NKAIN2: variants seen among roughly 807,000 people sequenced by gnomAD.
NKAIN2 encodes sodium/potassium transporting ATPase interacting 2, also known as sodium/potassium-transporting ATPase subunit beta-1-interacting protein 2.
In NKAIN2, 14 loss-of-function variants were observed where a neutral mutation model predicts 32.6. That is an observed-to-expected ratio of 0.43 (90% CI 0.28 to 0.67). The LOEUF is 0.67. Among genes scored for constraint, NKAIN2 ranks in the 30% least tolerant of loss-of-function variants. The probability of loss-of-function intolerance (pLI) is 0.17; values close to 1 mark genes in which losing one functional copy is unlikely to be tolerated. For missense variants in NKAIN2, 198 were observed against 258.3 expected (o/e 0.77, Z 1.60); for synonymous variants, 80 against 87.2 (o/e 0.92, Z 0.46).
chr6:124,074,191 G>A (rs1203918243), intron 1 of NKAIN2, among the ~76,000 whole-genome samples: 1 of 152,154 alleles, frequency 6.6e-6, no homozygotes, highest in Non-Finnish European at 1.5e-5. Context: ...TGCCCACCAG[G>A]AAAGCTCAAT....
intron 1 of NKAIN2, among the ~76,000 whole-genome samples, chr6:123,828,206 C>T (rs1415649454): frequency 6.6e-6 from 1 of 152,066 alleles, no homozygotes; most frequent in Non-Finnish European, 1.5e-5. Context: ...TGCCTCTAAG[C>T]AGTAAGCTTC....
At chr6:124,129,970 A>G (rs576608690) in intron 1 of NKAIN2, among the ~76,000 whole-genome samples, 3 of 152,282 alleles carry the variant, frequency 2.0e-5, no homozygotes, top group Non-Finnish European at 2.9e-5. Context: ...CATGTACAAT[A>G]TGGTAGTGAT....
At chr6:124,534,020 G>C (rs1779624039) in intron 3 of NKAIN2, among the ~76,000 whole-genome samples, 1 of 152,068 alleles carries the variant, frequency 6.6e-6, no homozygotes, top group African/African-American at 2.4e-5. Flanking sequence ...CAAATTAGAG[G>C]TTAGGATTTC....
At position 124,794,882 on chromosome 6, in the gene NKAIN2, A is replaced by G. The variant is rs1009806212; in HGVS notation, c.535+3483A>G. 39 of 958,208 alleles carry G rather than the reference A, an allele frequency of 4.1e-5. No homozygotes were observed. The African/African-American group carries it at 6.3e-4, about 16-fold the overall frequency. 59.4% of individuals were successfully genotyped at this position (958,208 alleles called of 1,614,324 possible). A position where few individuals can be genotyped will look rare whatever the true frequency, so the allele number is the denominator to read the frequency against. On this transcript the variant is annotated intron_variant, in intron 5 of 6. Coordinates refer to ENST00000368417, the MANE Select transcript of NKAIN2 (RefSeq NM_001040214.3). ...ATATGACTTCCGATCCATAGAGTAAAAAAGGTTTGACATTTCTGTATCATT... is the reference window on the plus strand; with the variant it reads ...ATATGACTTCCGATCCATAGAGTAAGAAAGGTTTGACATTTCTGTATCATT...
intron 1 of NKAIN2, among the ~76,000 whole-genome samples, chr6:124,083,631 CAA>C (rs1404306856): frequency 6.6e-6 from 1 of 151,904 alleles, no homozygotes; most frequent in Non-Finnish European, 1.5e-5. Flanking sequence ...TTAATGTTTT[CAA>C]AGTCTTTGAC....
intron 4 of NKAIN2, among the ~76,000 whole-genome samples, chr6:124,759,588 AACACACACACACAC>A (rs542448143): frequency 0.021 from 1,749 of 84,504 alleles, 56 homozygotes; most frequent in African/African-American, 0.028. Flanking sequence ...CTGAAATTGC[AACACACACACACAC>A]ACACACACAC....
At chr6:124,446,330 A>G (rs1562190321) in intron 3 of NKAIN2, among the ~76,000 whole-genome samples, 1 of 106,944 alleles carries the variant, frequency 9.4e-6, no homozygotes, top group Non-Finnish European at 2.3e-5. Context: ...TGCAAAATAT[A>G]TAAGTTTTTT....
chr6:124,028,696 T>A (rs997163934), intron 1 of NKAIN2, among the ~76,000 whole-genome samples: 1 of 149,866 alleles, frequency 6.7e-6, no homozygotes, highest in Non-Finnish European at 1.5e-5. Context: ...TTTATATACA[T>A]GTATACACGT....
At chr6:124,551,186 G>C (rs1780273994) in intron 3 of NKAIN2, among the ~76,000 whole-genome samples, 1 of 152,180 alleles carries the variant, frequency 6.6e-6, no homozygotes, top group South Asian at 2.1e-4. Context: ...GTAATGGTGG[G>C]CCATAAAATT....
At chr6:124,115,935 C>T (rs886854056) in intron 1 of NKAIN2, among the ~76,000 whole-genome samples, 13 of 152,102 alleles carry the variant, frequency 8.5e-5, no homozygotes, top group African/African-American at 3.1e-4. Flanking sequence ...GTATCTTTCA[C>T]ATAATCCAAA....
At chr6:124,701,138 TACACAC>T (rs888856391) in intron 4 of NKAIN2, among the ~76,000 whole-genome samples, 7 of 118,942 alleles carry the variant, frequency 5.9e-5, no homozygotes, top group Non-Finnish European at 1.0e-4. Context: ...AGGAGAGAGA[TACACAC>T]ACACACACGC....
chr6:124,509,331 A>T (rs1470638578), intron 3 of NKAIN2, among the ~76,000 whole-genome samples: 1 of 152,200 alleles, frequency 6.6e-6, no homozygotes, highest in Admixed American at 6.5e-5. Flanking sequence ...AAAGTTTATG[A>T]TCCTAGAGAA....
Position 124,143,934 on chromosome 6 carries a change from G to T in NKAIN2, c.55-139071G>T, listed in dbSNP as rs148922385. On this transcript the variant is annotated intron_variant, in intron 1 of 6. Coordinates refer to ENST00000368417, the MANE Select transcript of NKAIN2 (RefSeq NM_001040214.3). The stretch of plus-strand genomic sequence containing the variant: ...ATAACTATAACTAAAGTTAGAAAAT[G>T]CAATATAAAAGAAAAATTACATCTT... Among the ~76,000 whole-genome samples, 75 of 152,180 alleles carry T rather than the reference G, an allele frequency of 4.9e-4. No individual in the cohort carries two copies. In the East Asian group the frequency reaches 8.3e-3, roughly 17 times the overall value.
chr6:123,862,507 T>C (rs902188747), intron 1 of NKAIN2, among the ~76,000 whole-genome samples: 1 of 152,152 alleles, frequency 6.6e-6, no homozygotes, highest in Non-Finnish European at 1.5e-5. Context: ...TCATATTCTT[T>C]CTTATACCCC....
intron 1 of NKAIN2, among the ~76,000 whole-genome samples, chr6:123,999,762 G>A (rs528496970): frequency 3.9e-5 from 6 of 152,182 alleles, no homozygotes; most frequent in African/African-American, 1.2e-4. Flanking sequence ...TGCGGGGAAT[G>A]AGAGGTCAGA....
chr6:123,811,045 A>C (rs1773442114), intron 1 of NKAIN2, among the ~76,000 whole-genome samples: 1 of 152,170 alleles, frequency 6.6e-6, no homozygotes, highest in Admixed American at 6.5e-5. Context: ...CAGGCACCAA[A>C]TTTTGAGAAC....
intron 1 of NKAIN2, among the ~76,000 whole-genome samples, chr6:124,127,172 G>T (rs1786215501): frequency 6.6e-6 from 1 of 152,154 alleles, no homozygotes; most frequent in Non-Finnish European, 1.5e-5. Context: ...ATGACTTCCA[G>T]GTAAGACTTG....
At chr6:124,425,167 A>AG in intron 3 of NKAIN2, among the ~76,000 whole-genome samples, 1 of 152,180 alleles carries the variant, frequency 6.6e-6, no homozygotes. Flanking sequence ...AGAGAGATAA[A>AG]GTCATAAGTG....
chr6:124,201,441 G>A (rs1165687257), intron 1 of NKAIN2, among the ~76,000 whole-genome samples: 1 of 151,848 alleles, frequency 6.6e-6, no homozygotes, highest in Non-Finnish European at 1.5e-5. Context: ...ATTCTAGCGG[G>A]GAAAGTAGTT....
Sources: gnomAD v4.1 joint callset for allele counts (sites outside exome capture counted in the v4.1 genomes callset) on GRCh38, gnomAD v4.1.1 for gene constraint, MANE v1.5 for transcripts, NCBI Gene and HGNC (gene_info 2026-07-23, HGNC 2026-07-21) for gene names.